USP48: variants seen among roughly 807,000 people sequenced by gnomAD.
The protein encoded by USP48 is ubiquitin carboxyl-terminal hydrolase 48.
A neutral mutation model predicts 150.7 loss-of-function variants in USP48; 43 were observed. The ratio of observed to expected loss-of-function variants is 0.29; its 90% CI spans 0.22 to 0.37. The LOEUF is 0.37. Ranked by LOEUF, USP48 falls within the 10% of genes least tolerant of loss-of-function variation. The probability of loss-of-function intolerance (pLI) is 1.00; values close to 1 mark genes in which losing one functional copy is unlikely to be tolerated. For synonymous variants in USP48, 396 were observed against 425.9 expected (o/e 0.93, Z 0.86); for missense variants, 813 against 1,249.6 (o/e 0.65, Z 5.27).
intron 1 of USP48, among the ~76,000 whole-genome samples, chr1:21,779,510 C>T (rs529374035): frequency 6.6e-6 from 1 of 151,778 alleles, no homozygotes; most frequent in Non-Finnish European, 1.5e-5. Context: ...GGCGCCACTG[C>T]ACTCCAGCCT....
chr1:21,688,147 G>A (rs1342917035), intron 24 of USP48, among the ~76,000 whole-genome samples: 1 of 152,214 alleles, frequency 6.6e-6, no homozygotes, highest in Admixed American at 6.5e-5. Context: ...AGAAACAAAA[G>A]AGGCAATGGG....
intron 1 of USP48, among the ~76,000 whole-genome samples, chr1:21,770,028 T>C (rs1400800145): frequency 6.6e-6 from 1 of 151,934 alleles, no homozygotes; most frequent in African/African-American, 2.4e-5. Flanking sequence ...CACACTGAAA[T>C]AATGTACAGC....
intron 8 of USP48, among the ~76,000 whole-genome samples, chr1:21,740,397 T>G (rs1420025303): frequency 2.0e-5 from 3 of 152,228 alleles, no homozygotes; most frequent in African/African-American, 7.2e-5. Context: ...ATGAATCTGC[T>G]CTCCACAGGA....
chr1:21,763,616 C>A (rs192782430), intron 1 of USP48, among the ~76,000 whole-genome samples: 11 of 152,328 alleles, frequency 7.2e-5, no homozygotes, highest in Admixed American at 4.6e-4. Flanking sequence ...GAGTTCGAGA[C>A]CAGCCTGGCT....
intron 15 of USP48, among the ~76,000 whole-genome samples, chr1:21,708,165 A>C (rs1363172278): frequency 6.6e-6 from 1 of 152,118 alleles, no homozygotes; most frequent in Non-Finnish European, 1.5e-5. Flanking sequence ...GCCATCTCAA[A>C]AAAACAAAAC....
chr1:21,722,411 T>C (rs1020293055), intron 12 of USP48, among the ~76,000 whole-genome samples: 3 of 151,018 alleles, frequency 2.0e-5, no homozygotes, highest in African/African-American at 7.3e-5. Flanking sequence ...TGGTGATGTG[T>C]GCCTGTAGTC....
At chr1:21,698,083 C>T (rs1377027352) in intron 22 of USP48, among the ~76,000 whole-genome samples, 4 of 152,028 alleles carry the variant, frequency 2.6e-5, no homozygotes, top group Non-Finnish European at 4.4e-5. Context: ...AGCAGAAATG[C>T]ATCATTTTTT....
chr1:21,695,203 G>A lies in USP48; in HGVS notation c.2746C>T (p.Arg916Trp). The change falls in exon 23 of 27, where the codon CGG becomes TGG. Residue 916 changes from arginine to tryptophan, a missense_variant. Coordinates refer to ENST00000308271, the MANE Select transcript of USP48 (RefSeq NM_032236.8). ...DFNQSNGGTK[R>W]QKISHQNYIA... ...TAATTTTGATGGGATATCTTTTGCC[G>A]CTTTGTTCCACCATTGCTCTATAAT... 2 of 1,610,810 alleles carry A rather than the reference G, an allele frequency of 1.2e-6. No homozygotes were observed. Among genetic ancestry groups the A allele is most frequent in the Non-Finnish European group, 8.5e-7 (1 of 1,178,856 alleles).
chr1:21,704,171 C>G, intron 20 of USP48, 91 bp downstream of exon 20: 1 of 1,482,816 alleles, frequency 6.7e-7, no homozygotes, highest in Admixed American at 2.3e-5. Context: ...GCCGCATGAT[C>G]TTTAACTTTA....
chr1:21,687,352 A>G (rs2097582805), intron 24 of USP48, 113 bp from the exon 25 acceptor site: 6 of 991,008 alleles, frequency 6.1e-6, no homozygotes, highest in Admixed American at 2.3e-5. Context: ...CACACTGTCC[A>G]GTAGATAACT....
At chr1:21,711,395 C>T (rs2097689803) in intron 15 of USP48, among the ~76,000 whole-genome samples, 1 of 151,990 alleles carries the variant, frequency 6.6e-6, no homozygotes, top group Non-Finnish European at 1.5e-5. Flanking sequence ...GATCACTGCC[C>T]CCTCTAGCCA....
chr1:21,770,632 C>T (rs2097877030), intron 1 of USP48, among the ~76,000 whole-genome samples: 1 of 151,590 alleles, frequency 6.6e-6, no homozygotes, highest in Admixed American at 6.6e-5. Context: ...AGGCGCGCAC[C>T]ACCATGCTCG....
chr1:21,733,697 G>A (rs567286324), intron 9 of USP48, among the ~76,000 whole-genome samples: 1 of 152,064 alleles, frequency 6.6e-6, no homozygotes, highest in African/African-American at 2.4e-5. Context: ...CCTTAACAAT[G>A]CTTTTAATCC....
At chr1:21,680,859 T>C (rs1288564644) in intron 25 of USP48, 25 bp from the exon 26 acceptor site, 2 of 1,564,808 alleles carry the variant, frequency 1.3e-6, no homozygotes, top group East Asian at 4.6e-5. Context: ...AAAAGAAGAA[T>C]TCCAAATTGA....
In USP48 at chr1:21,719,108, T is replaced by C. The variant is rs200438671; in HGVS notation, c.1894+1928A>G. On this transcript the variant is annotated intron_variant, in intron 14 of 26. Coordinates refer to ENST00000308271, the MANE Select transcript of USP48 (RefSeq NM_032236.8). ...TGGTGAAACCCCATCTCCACTAAAA[T>C]ACAAAAATTAGCCGGGCATGGTGGC... Among the ~76,000 whole-genome samples the C allele has an allele frequency of 1.6e-4, 23 of 142,594 alleles. 1 individual carries two copies. In the East Asian group the frequency reaches 4.4e-3, roughly 27 times the overall value. 93.5% of individuals were successfully genotyped at this position (142,594 alleles called of 152,430 possible). A position where few individuals can be genotyped will look rare whatever the true frequency, so the allele number is the denominator to read the frequency against.
At chr1:21,767,372 A>G (rs1330332604) in intron 1 of USP48, among the ~76,000 whole-genome samples, 1 of 152,034 alleles carries the variant, frequency 6.6e-6, no homozygotes, top group East Asian at 1.9e-4. Context: ...GCTAGAGTGC[A>G]GTGGTGCAGT....
In USP48 at chr1:21,775,506, C is replaced by T. The variant is rs142221705; in HGVS notation, c.134+7318G>A. On this transcript the variant is annotated intron_variant, in intron 1 of 26. Transcript: ENST00000308271. The stretch of plus-strand genomic sequence containing the variant: ...CTGACCTCAAGTAATCCTCCCACCT[C>T]GGCCTAACAAAGTGTTGGGACTACA... Among the ~76,000 whole-genome samples the T allele has an allele frequency of 3.6e-3, 542 of 152,278 alleles. 4 individuals carry two copies. Among genetic ancestry groups the T allele is most frequent in the African/African-American group, 0.012 (515 of 41,544 alleles).
chr1:21,690,114 AAGAG>A lies in USP48; in HGVS notation c.2884-19_2884-16del, dbSNP rs762908510. 464 of 1,608,706 alleles carry A rather than the reference AAGAG, an allele frequency of 2.9e-4. 1 individual carries two copies. Among genetic ancestry groups the A allele is most frequent in the Non-Finnish European group, 1.5e-4 (172 of 1,176,964 alleles). ...GCATGCATGATCTGTGCCAATATAA[AAGAG>A]AGAAAGTCCGTATAATGCAAAATAC... On this transcript the variant is annotated splice_polypyrimidine_tract_variant and intron_variant, in intron 23 of 26. Coordinates refer to ENST00000308271, the MANE Select transcript of USP48 (RefSeq NM_032236.8).
chr1:21,706,169 T>C lies in USP48; in HGVS notation c.2230A>G (p.Ile744Val), dbSNP rs759654518. 6.3e-5 allele frequency: 101 copies of C among 1,613,774 alleles called. No homozygotes were observed. The highest frequency in any genetic ancestry group is 3.3e-4 in the Middle Eastern group (2 of 6,080). Residue 744 changes from isoleucine (I) to valine (V), a missense_variant, in exon 18 of 27, where the codon ATC (isoleucine) becomes GTC (valine). Physicochemically the swap from Ile to Val is conservative, Grantham distance 29. Coordinates refer to ENST00000308271, the MANE Select transcript of USP48 (RefSeq NM_032236.8). ...NWPEDTDVLY[I>V]VSQFFVEEWR... is the part of the protein sequence containing the mutation. ...TCTTCTACAAAGAACTGAGACACGATGTAGAGGACATCCGTATCCTAGAAC... is the reference window on the plus strand; with the variant it reads ...TCTTCTACAAAGAACTGAGACACGACGTAGAGGACATCCGTATCCTAGAAC...
Sources: allele counts gnomAD v4.1 joint callset (sites outside exome capture counted in the v4.1 genomes callset), GRCh38; gene constraint gnomAD v4.1.1; transcripts MANE v1.5; gene names NCBI Gene and HGNC (gene_info 2026-07-23, HGNC 2026-07-21).